Variants in GFM1 observed in about 807,000 individuals in gnomAD.
GFM1 encodes the protein G elongation factor mitochondrial 1.
A neutral mutation model predicts 96.2 loss-of-function variants in GFM1; 62 were observed. That is an observed-to-expected ratio of 0.64 (90% confidence interval 0.53 to 0.80). GFM1 has a LOEUF of 0.80. Among genes scored for constraint, GFM1 ranks in the 30% least tolerant of loss-of-function variants. The probability of loss-of-function intolerance (pLI) is 0.00; values close to 1 mark genes in which losing one functional copy is unlikely to be tolerated. For synonymous variants in GFM1, 282 were observed against 312.9 expected (o/e 0.90, Z 1.04); for missense variants, 852 against 916.6 (o/e 0.93, Z 0.91).
Position 158,644,655 on chromosome 3 carries a change from A to G in GFM1, c.21A>G (p.Ala7=), listed in dbSNP as rs1272153245. 2 of 1,574,648 alleles carry G rather than the reference A, an allele frequency of 1.3e-6. No individual in the cohort carries two copies. Among genetic ancestry groups the G allele is most frequent in the Admixed American group, 3.8e-5 (2 of 53,038 alleles). The part of the protein sequence containing the change: MRLLGA[A]AVAALGRGRA... ...TTGCCATGAGACTCCTGGGAGCTGC[A>G]GCCGTCGCGGCTCTGGGGCGCGGAA... The change falls in exon 1 of 18, where the codon GCA becomes GCG. Residue 7 remains alanine, a synonymous_variant. Transcript: ENST00000486715.
intron 9 of GFM1, chr3:158,660,465 C>T (rs1723114099): frequency 4.7e-6 from 1 of 212,246 alleles, no homozygotes; most frequent in African/African-American, 2.4e-5. Flanking sequence ...ACAGGCTGGT[C>T]TTGAACTCCT....
At position 158,653,354 on chromosome 3, in the gene GFM1, AT is replaced by A. The variant is rs775228051; in HGVS notation, c.890del (p.Leu297TrpfsTer5). 8 of 1,613,578 alleles carry A rather than the reference AT, an allele frequency of 5.0e-6. No homozygotes were observed. The South Asian group carries it at 8.8e-5, about 18-fold the overall frequency. On this transcript the variant is annotated frameshift_variant, in exon 7 of 18. Transcript: ENST00000486715. LOFTEE classifies it high-confidence loss of function. ...CTCTGAAAAGATCATTTACTCCTGT[AT>A]TTTTGGGAAGCGCCTTGAAGAACAA... is the stretch of plus-strand genomic sequence containing the variant. ...ATLKRSFTPV[F>X]LGSALKNKGV... is the part of the protein sequence containing the mutation.
In GFM1 at chr3:158,691,709, A is replaced by G. The variant is rs548534802; in HGVS notation, c.*242A>G. The G allele has an allele frequency of 8.0e-5, 29 of 362,112 alleles. No individual in the cohort carries two copies. Among genetic ancestry groups the G allele is most frequent in the Non-Finnish European group, 1.5e-4 (29 of 196,008 alleles). 22.4% of individuals were successfully genotyped at this position (362,112 alleles called of 1,614,324 possible). A position where few individuals can be genotyped will look rare whatever the true frequency, so the allele number is the denominator to read the frequency against. On this transcript the variant is annotated 3_prime_UTR_variant, in exon 18 of 18. Transcript: ENST00000486715. ...TTTATAGTTCATTGAAAATCCTCAA[A>G]TAAAATATAATTATTACTGAAATAT...
chr3:158,650,167 C>T (rs1576728437), intron 5 of GFM1: 1 of 938,936 alleles, frequency 1.1e-6, no homozygotes, highest in South Asian at 1.4e-5. Context: ...GTGTTTCTCT[C>T]ACTTTTTATG....
intron 13 of GFM1, 82 bp from the exon 14 acceptor site, chr3:158,681,913 A>T: frequency 8.9e-7 from 1 of 1,122,126 alleles, no homozygotes. Flanking sequence ...AAATAATCAA[A>T]TGTGTTCTTT....
chr3:158,671,305 C>T (rs1421698705), intron 13 of GFM1, among the ~76,000 whole-genome samples: 4 of 152,172 alleles, frequency 2.6e-5, no homozygotes, highest in Non-Finnish European at 4.4e-5. Flanking sequence ...GATCTGTGAT[C>T]TTAAAGTCTC....
chr3:158,673,784 A>G (rs1215532429), intron 13 of GFM1, among the ~76,000 whole-genome samples: 2 of 152,016 alleles, frequency 1.3e-5, no homozygotes, highest in African/African-American at 2.4e-5. Context: ...GATTACAGGC[A>G]TAAGCCACCA....
intron 7 of GFM1, 100 bp from the exon 8 acceptor site, chr3:158,654,447 C>T: frequency 4.1e-6 from 3 of 739,552 alleles, no homozygotes; most frequent in Non-Finnish European, 6.9e-6. Context: ...ATATCCCACA[C>T]ACGTGCTTTT....
chr3:158,691,289 AAAC>A, intron 17 of GFM1, 44 bp from the exon 18 acceptor site: 3 of 1,588,060 alleles, frequency 1.9e-6, no homozygotes, highest in Non-Finnish European at 2.6e-6. Flanking sequence ...ATAGTTTAAA[AAAC>A]AAACAAACAA....
rs1231967257 is a variant in GFM1 at position 158,693,304 on chromosome 3, T to C, written c.*1837T>C. 7 of 152,352 alleles carry C rather than the reference T, an allele frequency of 4.6e-5. No homozygotes were observed. In the East Asian group the frequency reaches 1.3e-3, roughly 29 times the overall value. The allele number at this position is 152,352 out of a possible 1,614,324, so 9.4% of individuals were successfully genotyped here. ...ATGAGGAAATACATTCTGTGTACCT[T>C]CATGGAATTTAGCATGATTCCTATG... On this transcript the variant is annotated 3_prime_UTR_variant, in exon 18 of 18. Transcript: ENST00000486715.
At chr3:158,645,178 T>C (rs1323457328) in intron 1 of GFM1, among the ~76,000 whole-genome samples, 13 of 152,212 alleles carry the variant, frequency 8.5e-5, no homozygotes, top group Admixed American at 8.5e-4. Context: ...GGGGGCTGTC[T>C]TGGAGCTACT....
intron 15 of GFM1, among the ~76,000 whole-genome samples, chr3:158,685,817 A>G (rs1725788866): frequency 6.6e-6 from 1 of 152,214 alleles, no homozygotes; most frequent in Non-Finnish European, 1.5e-5. Flanking sequence ...CACTCACATT[A>G]AAATACTTGT....
intron 8 of GFM1, among the ~76,000 whole-genome samples, chr3:158,658,157 CTTTTTTTTTTTT>C (rs397842738): frequency 5.1e-5 from 5 of 97,360 alleles, no homozygotes; most frequent in South Asian, 3.4e-4. Context: ...TCACAGAACT[CTTTTTTTTTTTT>C]TTTTTTTTTT....
At chr3:158,652,305 T>C in intron 6 of GFM1, 59 bp downstream of exon 6, 1 of 1,432,686 alleles carries the variant, frequency 7.0e-7, no homozygotes, top group Non-Finnish European at 9.8e-7. Flanking sequence ...TTGTTTTTTG[T>C]AGGGAGGGGA....
chr3:158,672,054 T>TA (rs1724369144), intron 13 of GFM1, among the ~76,000 whole-genome samples: 1 of 152,176 alleles, frequency 6.6e-6, no homozygotes, highest in Non-Finnish European at 1.5e-5. Context: ...AGTTTACACT[T>TA]AAGGAAAGTG....
chr3:158,676,440 A>C (rs1170474335), intron 13 of GFM1, among the ~76,000 whole-genome samples: 1 of 152,206 alleles, frequency 6.6e-6, no homozygotes, highest in African/African-American at 2.4e-5. Context: ...ACAAGATATG[A>C]ATTTTATTAG....
At position 158,649,132 on chromosome 3, in the gene GFM1, GCC is replaced by G. The variant is rs1722087306; in HGVS notation, c.665_666del (p.Ala222AspfsTer4). ...KGIVDLIEER[A>X]IYFDGDFGQI... ...TATTGTAGATCTTATTGAGGAACGA[GCC>G]ATCTATTTTGATGGAGACTTTGGGT... On this transcript the variant is annotated frameshift_variant, in exon 5 of 18. Transcript: ENST00000486715. LOFTEE classifies it high-confidence loss of function. The G allele has an allele frequency of 6.7e-7, 1 of 1,483,776 alleles. No individual in the cohort carries two copies. The highest frequency in any genetic ancestry group is 9.4e-7 in the Non-Finnish European group (1 of 1,062,586). The allele number at this position is 1,483,776 out of a possible 1,614,324, so 91.9% of individuals were successfully genotyped here.
chr3:158,691,378 T>C lies in GFM1; in HGVS notation c.2167T>C (p.Cys723Arg), dbSNP rs750287727. The C allele has an allele frequency of 8.7e-6, 14 of 1,613,862 alleles. No individual in the cohort carries two copies. The South Asian group carries it at 1.4e-4, about 16-fold the overall frequency. The change falls in exon 18 of 18, where the codon TGT (cysteine) becomes CGT (arginine). Residue 723 changes from cysteine (C) to arginine (R), a missense_variant. Transcript: ENST00000486715. ...YTMEYSRYQP[C>R]LPSTQEDVIN... is the part of the protein sequence containing the mutation. ...AATGGAGTATAGCAGGTATCAGCCATGTTTACCATCCACACAAGAAGACGT... is the reference window on the plus strand; with the variant it reads ...AATGGAGTATAGCAGGTATCAGCCACGTTTACCATCCACACAAGAAGACGT...
chr3:158,660,310 G>T, intron 9 of GFM1: 1 of 150,886 alleles, frequency 6.6e-6, no homozygotes, highest in Non-Finnish European at 1.5e-5. Flanking sequence ...GCAGTGGCGC[G>T]ATCTCGGCTC....
Sources: gnomAD v4.1 joint callset for allele counts (sites outside exome capture counted in the v4.1 genomes callset) on GRCh38, gnomAD v4.1.1 for gene constraint, MANE v1.5 for transcripts, NCBI Gene and HGNC (gene_info 2026-07-23, HGNC 2026-07-21) for gene names.